Variants in GNG7 observed in about 807,000 individuals in gnomAD.
GNG7 encodes the protein guanine nucleotide-binding protein G(I)/G(S)/G(O) subunit gamma-7.
Under a neutral mutation model 4.0 loss-of-function variants are expected in GNG7, and 1 was observed. The ratio of observed to expected loss-of-function variants is 0.25; its 90% confidence interval spans 0.09 to 1.18. The LOEUF (loss-of-function observed/expected upper bound fraction) is 1.18. Among genes scored for constraint, GNG7 ranks in the 50% most tolerant of loss-of-function variants. The pLI, the probability that GNG7 is intolerant of heterozygous loss-of-function variation, is 0.50. For missense variants in GNG7, 86 were observed against 91.9 expected (o/e 0.94, Z 0.26); for synonymous variants, 34 against 36.9 (o/e 0.92, Z 0.29).
At chr19:2,569,297 A>G (rs1386680010) in intron 2 of GNG7, among the ~76,000 whole-genome samples, 1 of 151,828 alleles carries the variant, frequency 6.6e-6, no homozygotes, top group African/African-American at 2.4e-5. Flanking sequence ...TTTTTGTGAG[A>G]CAGAGTCTCG....
chr19:2,568,202 T>C (rs903170048), intron 2 of GNG7, among the ~76,000 whole-genome samples: 12 of 142,016 alleles, frequency 8.4e-5, no homozygotes, highest in Non-Finnish European at 1.7e-4. Context: ...CACACACATA[T>C]AGACATACAC....
intron 2 of GNG7, chr19:2,632,161 G>A (rs1192546714): frequency 6.6e-6 from 1 of 152,276 alleles, no homozygotes; most frequent in East Asian, 1.9e-4. Flanking sequence ...GCGCTGTGTG[G>A]GATCATGCCT....
intron 2 of GNG7, among the ~76,000 whole-genome samples, chr19:2,627,354 G>A (rs879631876): frequency 2.0e-5 from 3 of 152,148 alleles, no homozygotes; most frequent in Non-Finnish European, 4.4e-5. Context: ...ATGGCGGTAA[G>A]GGGGTGAACC....
At chr19:2,522,283 G>T (rs1978313056) in intron 3 of GNG7, among the ~76,000 whole-genome samples, 1 of 152,258 alleles carries the variant, frequency 6.6e-6, no homozygotes, top group South Asian at 2.1e-4. Context: ...GGTGCTGATG[G>T]GGGTGGCAGG....
chr19:2,516,497 T>TG (rs962174402), intron 4 of GNG7, among the ~76,000 whole-genome samples: 4 of 152,138 alleles, frequency 2.6e-5, no homozygotes, highest in African/African-American at 7.2e-5. Context: ...GTGCTGGGAT[T>TG]ACAGGCGTGA....
chr19:2,588,185 G>A (rs972682781), intron 2 of GNG7, among the ~76,000 whole-genome samples: 5 of 152,136 alleles, frequency 3.3e-5, no homozygotes, highest in African/African-American at 1.2e-4. Flanking sequence ...TAGAAACCTA[G>A]CAAGTCCCTT....
At chr19:2,613,742 G>A (rs1029953466) in intron 2 of GNG7, among the ~76,000 whole-genome samples, 2 of 151,636 alleles carry the variant, frequency 1.3e-5, no homozygotes, top group African/African-American at 4.9e-5. Flanking sequence ...GGAGTGGGTG[G>A]AGGCCAGGAC....
At chr19:2,603,680 G>GTT (rs1981283917) in intron 2 of GNG7, among the ~76,000 whole-genome samples, 1 of 152,172 alleles carries the variant, frequency 6.6e-6, no homozygotes, top group Non-Finnish European at 1.5e-5. Flanking sequence ...AGAAGCCCCT[G>GTT]CAGCTAGGAG....
intron 2 of GNG7, among the ~76,000 whole-genome samples, chr19:2,585,496 G>A (rs1380203658): frequency 1.7e-5 from 2 of 118,170 alleles, no homozygotes; most frequent in Non-Finnish European, 3.4e-5. Flanking sequence ...AGTATAAAGA[G>A]TATACGAAGT....
intron 1 of GNG7, among the ~76,000 whole-genome samples, chr19:2,651,104 T>G (rs1221706984): frequency 6.6e-6 from 1 of 152,122 alleles, no homozygotes; most frequent in Non-Finnish European, 1.5e-5. Context: ...TCAGTCCCCC[T>G]TGGGACACAG....
chr19:2,571,217 G>A (rs888444483), intron 2 of GNG7, among the ~76,000 whole-genome samples: 3 of 152,126 alleles, frequency 2.0e-5, no homozygotes, highest in Non-Finnish European at 4.4e-5. Context: ...TAGGATCTGC[G>A]GAATGGGGGC....
chr19:2,658,981 T>G (rs1983066029), intron 1 of GNG7, among the ~76,000 whole-genome samples: 1 of 151,872 alleles, frequency 6.6e-6, no homozygotes, highest in Non-Finnish European at 1.5e-5. Flanking sequence ...GATTTTTTTT[T>G]TTTTTTGAAA....
At chr19:2,524,869 C>T (rs1471749658) in intron 3 of GNG7, among the ~76,000 whole-genome samples, 1 of 152,030 alleles carries the variant, frequency 6.6e-6, no homozygotes, top group East Asian at 1.9e-4. Context: ...TATGTGCGTG[C>T]GTGGGTGTGT....
rs536291081 is a variant in GNG7 at position 2,624,084 on chromosome 19, CAG to C, written c.-78+22138_-78+22139del. On this transcript the variant is annotated intron_variant, in intron 2 of 4. Transcript: ENST00000382159. ...ACGGGGAGCAAGTGTTTCACGGGGA[CAG>C]AGATTCAGTCTGGGAAGATGGAAAG... Among the ~76,000 whole-genome samples, 741 of 151,994 alleles carry C rather than the reference CAG, an allele frequency of 4.9e-3. 27 individuals carry two copies. Among genetic ancestry groups the C allele is most frequent in the Non-Finnish European group, 1.4e-3 (95 of 67,976 alleles).
intron 4 of GNG7, among the ~76,000 whole-genome samples, chr19:2,516,373 T>C (rs1263568259): frequency 5.9e-5 from 9 of 151,946 alleles, no homozygotes; most frequent in Admixed American, 4.6e-4. Context: ...TACAGGTGCC[T>C]GCCACCACGC....
At chr19:2,553,914 T>C (rs1018647071) in intron 3 of GNG7, among the ~76,000 whole-genome samples, 18 of 142,384 alleles carry the variant, frequency 1.3e-4, no homozygotes, top group Non-Finnish European at 2.5e-4. Context: ...TACATGTGCA[T>C]ATTGCATGTA....
intron 3 of GNG7, among the ~76,000 whole-genome samples, chr19:2,549,258 A>T (rs1049463113): frequency 2.0e-5 from 3 of 151,194 alleles, no homozygotes; most frequent in Non-Finnish European, 4.4e-5. Flanking sequence ...GTGGAGGTGG[A>T]GGAGGACATG....
At chr19:2,602,858 G>A (rs971823689) in intron 2 of GNG7, among the ~76,000 whole-genome samples, 7 of 151,794 alleles carry the variant, frequency 4.6e-5, no homozygotes, top group East Asian at 1.9e-4. Context: ...GGAAAGATGC[G>A]CTACCCACCC....
chr19:2,607,333 C>G (rs981696352), intron 2 of GNG7, among the ~76,000 whole-genome samples: 2 of 151,492 alleles, frequency 1.3e-5, no homozygotes, highest in Non-Finnish European at 2.9e-5. Context: ...GCCTGGCCAA[C>G]ATGGAGAAAC....
Sources: gnomAD v4.1 joint callset for allele counts (sites outside exome capture counted in the v4.1 genomes callset) on GRCh38, gnomAD v4.1.1 for gene constraint, MANE v1.5 for transcripts, NCBI Gene and HGNC (gene_info 2026-07-23, HGNC 2026-07-21) for gene names.